The following ZEB2 variants were observed in gnomAD, a reference collection of about 807,000 sequenced individuals.
The protein encoded by ZEB2 is zinc finger E-box-binding homeobox 2.
Under a neutral mutation model 99.9 loss-of-function variants are expected in ZEB2, and 6 were observed. The observed-to-expected ratio is 0.06, with a 90% confidence interval of 0.03 to 0.12. The LOEUF (loss-of-function observed/expected upper bound fraction) is 0.12, where lower values mean the gene tolerates loss of function less well. Among genes scored for constraint, ZEB2 ranks in the 10% least tolerant of loss-of-function variants. The probability of loss-of-function intolerance (pLI) is 1.00; values close to 1 mark genes in which losing one functional copy is unlikely to be tolerated. For synonymous variants in ZEB2, 517 were observed against 542.5 expected (o/e 0.95, Z 0.65); for missense variants, 969 against 1,502.8 (o/e 0.64, Z 5.87).
At chr2:144,476,760 T>C (rs1401695581) in intron 2 of ZEB2, among the ~76,000 whole-genome samples, 1 of 152,224 alleles carries the variant, frequency 6.6e-6, no homozygotes, top group Non-Finnish European at 1.5e-5. Context: ...TTCTACAATT[T>C]TATGTACTGA....
intron 4 of ZEB2, among the ~76,000 whole-genome samples, chr2:144,412,643 A>G (rs536031972): frequency 6.6e-6 from 1 of 152,356 alleles, no homozygotes; most frequent in Non-Finnish European, 1.5e-5. Flanking sequence ...GAACTCTACA[A>G]ATTCAATCCT....
intron 2 of ZEB2, among the ~76,000 whole-genome samples, chr2:144,481,494 C>T (rs1480746380): frequency 2.0e-5 from 3 of 152,170 alleles, no homozygotes; most frequent in Admixed American, 2.0e-4. Flanking sequence ...GGAAGGGAGA[C>T]TTCTAAATTC....
chr2:144,457,862 A>G lies in ZEB2; in HGVS notation c.74-27836T>C, dbSNP rs191793896. Among the ~76,000 whole-genome samples the G allele has an allele frequency of 9.7e-4, 147 of 152,306 alleles. 2 individuals are homozygous for G. Among genetic ancestry groups the G allele is most frequent in the Non-Finnish European group, 7.6e-4 (52 of 68,018 alleles). On this transcript the variant is annotated intron_variant, in intron 2 of 9. Transcript: ENST00000627532. ...GACAGCTGTATACTAAATAACTCAC[A>G]TAAGTACTTTTTTGTTGACATTTTG...
At chr2:144,422,698 G>T (rs1276377581) in intron 4 of ZEB2, among the ~76,000 whole-genome samples, 2 of 152,228 alleles carry the variant, frequency 1.3e-5, no homozygotes, top group African/African-American at 4.8e-5. Flanking sequence ...TACTAGGGAG[G>T]CTGAGGCAGG....
chr2:144,477,320 CT>C (rs1365476580), intron 2 of ZEB2, among the ~76,000 whole-genome samples: 2 of 152,212 alleles, frequency 1.3e-5, no homozygotes, highest in Non-Finnish European at 2.9e-5. Context: ...TTCATCTAAA[CT>C]TCCTTTGTTA....
At position 144,387,459 on chromosome 2, in the gene ZEB2, A is replaced by C. The variant is rs558354594; in HGVS notation, c.*1992T>G. Reference sequence around the variant, plus strand: ...AGGGTCATCTTGTAAAAACTGAAAAACTGTCTTAGAAAATCACGGTTATTT... The same window carrying C: ...AGGGTCATCTTGTAAAAACTGAAAACCTGTCTTAGAAAATCACGGTTATTT... On this transcript the variant is annotated 3_prime_UTR_variant, in exon 10 of 10. Coordinates refer to ENST00000627532, the MANE Select transcript of ZEB2 (RefSeq NM_014795.4). 3.9e-5 allele frequency: 6 copies of C among 152,124 alleles called. No homozygotes were observed. The highest frequency in any genetic ancestry group is 1.4e-4 in the African/African-American group (6 of 41,436). The allele number at this position is 152,124 out of a possible 1,614,324, so 9.4% of individuals were successfully genotyped here.
chr2:144,422,530 T>C (rs551765058), intron 4 of ZEB2, among the ~76,000 whole-genome samples: 1 of 152,382 alleles, frequency 6.6e-6, no homozygotes, highest in East Asian at 1.9e-4. Context: ...CCAGGCGCAG[T>C]GGCACATGCC....
At chr2:144,498,115 A>G (rs865778419) in intron 2 of ZEB2, among the ~76,000 whole-genome samples, 4 of 107,416 alleles carry the variant, frequency 3.7e-5, no homozygotes, top group African/African-American at 3.7e-5. Context: ...ATTATATAAT[A>G]TATATTAATA....
At chr2:144,447,302 A>T (rs1276150727) in intron 2 of ZEB2, among the ~76,000 whole-genome samples, 3 of 152,198 alleles carry the variant, frequency 2.0e-5, no homozygotes, top group Non-Finnish European at 4.4e-5. Flanking sequence ...TGGGGTAATC[A>T]ATAAGTAGTT....
At chr2:144,398,075 T>G in intron 8 of ZEB2, 1 of 468,432 alleles carries the variant, frequency 2.1e-6, no homozygotes, top group African/African-American at 2.0e-5. Flanking sequence ...AAAATAAATA[T>G]TAATTTCTTC....
rs56692545 is a variant in ZEB2, at chr2:144,421,863, T to C, written c.403+2933A>G. ...GACTTCTTGGGTTTCAATTCCTCATTTCCAAAGGACATTCCTATATTCCCA... is the reference window on the plus strand; with the variant it reads ...GACTTCTTGGGTTTCAATTCCTCATCTCCAAAGGACATTCCTATATTCCCA... On this transcript the variant is annotated intron_variant, in intron 4 of 9. Coordinates refer to ENST00000627532, the MANE Select transcript of ZEB2 (RefSeq NM_014795.4). 7.0e-3 allele frequency among the ~76,000 whole-genome samples: 1,067 copies of C among 152,280 alleles called. 18 individuals carry two copies. The highest frequency in any genetic ancestry group is 0.025 in the African/African-American group (1,024 of 41,554).
Position 144,389,299 on chromosome 2 carries a change from C to T in ZEB2, c.*152G>A. On this transcript the variant is annotated 3_prime_UTR_variant, in exon 10 of 10. Coordinates refer to ENST00000627532, the MANE Select transcript of ZEB2 (RefSeq NM_014795.4). This position sits in a 1 kb window ranked among gnomAD's most constrained non-coding sequence, Gnocchi z 6.8. ...CAATACCCAGCTCCAACTCCGTCTA[C>T]ATCTGTCTTGGCTGAACCGCCCCTT... 4 of 902,858 alleles carry T rather than the reference C, an allele frequency of 4.4e-6. No homozygotes were observed. The highest frequency in any genetic ancestry group is 7.0e-6 in the Non-Finnish European group (4 of 568,466). 55.9% of individuals were successfully genotyped at this position (902,858 alleles called of 1,614,324 possible).
chr2:144,469,758 G>C (rs1250622838), intron 2 of ZEB2, among the ~76,000 whole-genome samples: 2 of 152,116 alleles, frequency 1.3e-5, no homozygotes, highest in African/African-American at 4.8e-5. Flanking sequence ...TTCTAAGAGG[G>C]AAAACATCAA....
chr2:144,490,303 C>A (rs1234747091), intron 2 of ZEB2, among the ~76,000 whole-genome samples: 2 of 152,170 alleles, frequency 1.3e-5, no homozygotes, highest in Non-Finnish European at 2.9e-5. Flanking sequence ...ATAATGTATA[C>A]AAATGCCTGC....
chr2:144,409,413 C>T (rs948542480), intron 4 of ZEB2, among the ~76,000 whole-genome samples: 1 of 152,146 alleles, frequency 6.6e-6, no homozygotes, highest in East Asian at 1.9e-4. Flanking sequence ...GAATTCTTCA[C>T]TGCATTTTTC....
intron 2 of ZEB2, among the ~76,000 whole-genome samples, chr2:144,455,751 CTCTCTT>C (rs1279001806): frequency 6.6e-6 from 1 of 152,094 alleles, no homozygotes; most frequent in South Asian, 2.1e-4. Flanking sequence ...TCTCGTCTCT[CTCTCTT>C]TCTCTTTCTC....
chr2:144,491,732 G>T (rs1347930418), intron 2 of ZEB2, among the ~76,000 whole-genome samples: 1 of 152,200 alleles, frequency 6.6e-6, no homozygotes, highest in Non-Finnish European at 1.5e-5. Context: ...TTCACTTATG[G>T]TATTTACATG....
rs985918539 is a variant in ZEB2, at chr2:144,398,598, A to G, written c.2589T>C (p.Thr863=). ...SENSDEPLNL[T]FIKKEFSNSN... ...AATTTGAAAATTCCTTCTTGATAAA[A>G]GTCAAGTTCAGAGGCTCATCTGAGT... The change falls in exon 8 of 10, where the codon ACT becomes ACC. Residue 863 remains threonine (T), a synonymous_variant. Transcript: ENST00000627532. 1 of 1,614,228 alleles carries G rather than the reference A, an allele frequency of 6.2e-7. No homozygotes were observed. Among genetic ancestry groups the G allele is most frequent in the Admixed American group, 1.7e-5 (1 of 60,032 alleles).
chr2:144,511,971 A>G, intron 2 of ZEB2: 1 of 1,287,206 alleles, frequency 7.8e-7, no homozygotes, highest in South Asian at 1.2e-5. Context: ...GTGTTTCTGC[A>G]TCACAGATTT....
Sources: allele counts gnomAD v4.1 joint callset (sites outside exome capture counted in the v4.1 genomes callset), GRCh38; gene constraint gnomAD v4.1.1; non-coding constraint Gnocchi (gnomAD v3.1); transcripts MANE v1.5; gene names NCBI Gene and HGNC (gene_info 2026-07-23, HGNC 2026-07-21).